The following SDK1 variants were observed in gnomAD, a reference collection of about 807,000 sequenced individuals.
SDK1 encodes the protein protein sidekick-1.
In SDK1, 157 loss-of-function variants were observed where a neutral mutation model predicts 245.5. The observed-to-expected ratio is 0.64, with a 90% CI of 0.56 to 0.73. The LOEUF (loss-of-function observed/expected upper bound fraction) is 0.73. Among genes scored for constraint, SDK1 ranks in the 30% least tolerant of loss-of-function variants. SDK1 has a pLI of 0.00. For missense variants in SDK1, 3,583 were observed against 3,002.3 expected (o/e 1.19, Z -4.52); for synonymous variants, 1,647 against 1,278.5 (o/e 1.29, Z -6.15).
rs73050536 is a variant in SDK1, at chr7:3,375,136, G to A, written c.298+73252G>A. ...CTACCACGGTTTATCACAGAGGCCA[G>A]TGTGGGCTCTCACATGTAATAAAGC... On this transcript the variant is annotated intron_variant, in intron 1 of 44. Transcript: ENST00000404826. Among the ~76,000 whole-genome samples the A allele has an allele frequency of 5.0e-3, 758 of 151,994 alleles. 9 individuals are homozygous for A. The highest frequency in any genetic ancestry group is 0.017 in the African/African-American group (692 of 41,410).
intron 17 of SDK1, among the ~76,000 whole-genome samples, chr7:4,046,500 C>T (rs2128164657): frequency 6.6e-6 from 1 of 152,238 alleles, no homozygotes; most frequent in South Asian, 2.1e-4. Context: ...AAATATAGAT[C>T]TAGATTTTGT....
chr7:4,157,837 A>G (rs1002750029), intron 30 of SDK1, among the ~76,000 whole-genome samples: 4 of 152,080 alleles, frequency 2.6e-5, no homozygotes, highest in African/African-American at 7.2e-5. Context: ...GCCCCAGTGA[A>G]TGGTAGGGGT....
At chr7:3,918,503 A>G (rs1779466834) in intron 5 of SDK1, among the ~76,000 whole-genome samples, 1 of 152,224 alleles carries the variant, frequency 6.6e-6, no homozygotes, top group African/African-American at 2.4e-5. Flanking sequence ...ACCCCCGGAT[A>G]GGACCGTAAT....
chr7:3,721,483 AAAT>A (rs1308977866), intron 4 of SDK1, among the ~76,000 whole-genome samples: 3 of 152,234 alleles, frequency 2.0e-5, no homozygotes, highest in African/African-American at 7.2e-5. Context: ...AGAGAACATC[AAAT>A]AATAAGGCTT....
chr7:4,205,634 A>G (rs981487549), intron 35 of SDK1, among the ~76,000 whole-genome samples: 3 of 152,234 alleles, frequency 2.0e-5, no homozygotes, highest in African/African-American at 4.8e-5. Context: ...AGAACATCGT[A>G]TGGGAAGGAT....
rs56114690 is a variant in SDK1, at chr7:3,640,383, A to G, written c.565+1273A>G. 7.2e-3 allele frequency among the ~76,000 whole-genome samples: 1,103 copies of G among 152,342 alleles called. 17 individuals are homozygous for G. Among genetic ancestry groups the G allele is most frequent in the African/African-American group, 0.026 (1,066 of 41,574 alleles). On this transcript the variant is annotated intron_variant, in intron 3 of 44. Transcript: ENST00000404826. ...GTGTGAGTAGATGAAATAAAATAAT[A>G]TCTAGTTATTTTACCATAAGCCTAA...
intron 4 of SDK1, among the ~76,000 whole-genome samples, chr7:3,677,873 G>T (rs936041893): frequency 6.6e-6 from 1 of 152,116 alleles, no homozygotes; most frequent in African/African-American, 2.4e-5. Flanking sequence ...TTTGACAAGG[G>T]TACAAAACTC....
chr7:3,712,279 G>A (rs1173134870), intron 4 of SDK1, among the ~76,000 whole-genome samples: 1 of 152,096 alleles, frequency 6.6e-6, no homozygotes, highest in Non-Finnish European at 1.5e-5. Flanking sequence ...ACCTTATTGT[G>A]AACTGTGCGT....
chr7:4,106,298 T>C lies in SDK1; in HGVS notation c.3325-4365T>C, dbSNP rs934045678. On this transcript the variant is annotated intron_variant, in intron 22 of 44. Coordinates refer to ENST00000404826, the MANE Select transcript of SDK1 (RefSeq NM_152744.4). ...CCGCCCCACTGTCCCCCGTTTCTTT[T>C]TTTTCTTTCTTTTTTTTTTTTTTGA... Among the ~76,000 whole-genome samples, 12 of 147,732 alleles carry C rather than the reference T, an allele frequency of 8.1e-5. 1 individual carries two copies. In the South Asian group the frequency reaches 2.6e-3, roughly 32 times the overall value.
intron 5 of SDK1, among the ~76,000 whole-genome samples, chr7:3,917,111 A>G (rs1249862348): frequency 1.3e-5 from 2 of 152,274 alleles, no homozygotes; most frequent in Non-Finnish European, 2.9e-5. Flanking sequence ...CTGAAATAGT[A>G]TAAAACATAC....
intron 5 of SDK1, among the ~76,000 whole-genome samples, chr7:3,891,567 G>T (rs182931961): frequency 6.6e-6 from 1 of 152,130 alleles, no homozygotes. Flanking sequence ...GGTCAACCCC[G>T]TGTGCCTACA....
chr7:3,957,503 G>C lies in SDK1; in HGVS notation c.1151-1428G>C, dbSNP rs80134140. Among the ~76,000 whole-genome samples the C allele has an allele frequency of 9.4e-3, 1,428 of 152,260 alleles. 25 individuals carry two copies. The highest frequency in any genetic ancestry group is 0.032 in the African/African-American group (1,341 of 41,548). ...AAAAGAAAACGCTCAACTAAGAAGA[G>C]GAAAACTATAATTAATCATAAGCAA... On this transcript the variant is annotated intron_variant, in intron 7 of 44. Coordinates refer to ENST00000404826, the MANE Select transcript of SDK1 (RefSeq NM_152744.4).
At chr7:3,968,214 G>A (rs1782224212) in intron 10 of SDK1, among the ~76,000 whole-genome samples, 1 of 152,226 alleles carries the variant, frequency 6.6e-6, no homozygotes, top group African/African-American at 2.4e-5. Context: ...GCCTTCTGCA[G>A]TCAACCTGGG....
At chr7:3,965,351 C>G (rs934417201) in intron 9 of SDK1, among the ~76,000 whole-genome samples, 18 of 151,964 alleles carry the variant, frequency 1.2e-4, no homozygotes, top group African/African-American at 4.4e-4. Flanking sequence ...CTAACCAAAC[C>G]CAGATTATAG....
intron 17 of SDK1, among the ~76,000 whole-genome samples, chr7:4,048,760 G>T (rs561170966): frequency 6.6e-6 from 1 of 152,342 alleles, no homozygotes; most frequent in South Asian, 2.1e-4. Context: ...CCTGAAGGCA[G>T]TCATTTGGCA....
intron 5 of SDK1, among the ~76,000 whole-genome samples, chr7:3,888,591 A>C (rs1339238756): frequency 6.6e-6 from 1 of 152,262 alleles, no homozygotes; most frequent in Admixed American, 6.5e-5. Flanking sequence ...ATATCATCAC[A>C]GAACAATAGC....
At chr7:3,362,536 C>A (rs932198671) in intron 1 of SDK1, among the ~76,000 whole-genome samples, 2 of 152,046 alleles carry the variant, frequency 1.3e-5, no homozygotes, top group Non-Finnish European at 2.9e-5. Flanking sequence ...TCTTTACAAG[C>A]CTCATTAAAA....
At chr7:3,341,466 C>G (rs1780346567) in intron 1 of SDK1, among the ~76,000 whole-genome samples, 1 of 152,080 alleles carries the variant, frequency 6.6e-6, no homozygotes, top group Non-Finnish European at 1.5e-5. Context: ...TCAGTCTTAC[C>G]TTTGCTGTCC....
intron 1 of SDK1, among the ~76,000 whole-genome samples, chr7:3,390,322 G>A (rs1370335507): frequency 2.0e-5 from 3 of 152,122 alleles, no homozygotes; most frequent in Non-Finnish European, 4.4e-5. Flanking sequence ...CTCTATAAAA[G>A]AGTTTAGCTT....
Sources: gnomAD v4.1 joint callset for allele counts (sites outside exome capture counted in the v4.1 genomes callset) on GRCh38, gnomAD v4.1.1 for gene constraint, MANE v1.5 for transcripts, NCBI Gene and HGNC (gene_info 2026-07-23, HGNC 2026-07-21) for gene names.